The following SMS variants were observed in gnomAD, a reference collection of about 807,000 sequenced individuals.
SMS encodes the protein spermine synthase, also known as spermidine aminopropyltransferase.
A neutral mutation model predicts 33.0 loss-of-function variants in SMS; 3 were observed. The observed-to-expected ratio is 0.09, with a 90% CI of 0.04 to 0.23. The LOEUF (loss-of-function observed/expected upper bound fraction) is 0.23. Ranked by LOEUF, SMS falls within the 10% of genes least tolerant of loss-of-function variation. The pLI, the probability that SMS is intolerant of heterozygous loss-of-function variation, is 1.00. For synonymous variants in SMS, 103 were observed against 112.2 expected (o/e 0.92, Z 0.52); for missense variants, 117 against 288.6 (o/e 0.41, Z 4.31).
At chrX:21,958,135 T>A (rs1271591765) in intron 1 of SMS, among the ~76,000 whole-genome samples, 3 of 112,038 alleles carry the variant, frequency 2.7e-5, no homozygotes, top group Non-Finnish European at 5.6e-5. Context: ...TTTATTTATT[T>A]TTGTTTTTGT....
At chrX:21,956,325 C>T (rs958317754) in intron 1 of SMS, among the ~76,000 whole-genome samples, 2 of 112,180 alleles carry the variant, frequency 1.8e-5, no homozygotes, top group African/African-American at 6.5e-5. Context: ...GTTCTGTCAC[C>T]CAGGCAGGAG....
At chrX:21,984,505 TC>T (rs779073006) in intron 8 of SMS, 87 bp downstream of exon 8, 2 of 643,521 alleles carry the variant, frequency 3.1e-6, no homozygotes, top group African/African-American at 4.4e-5. Flanking sequence ...ATTGTGTAGT[TC>T]TCTCACGTTT....
At chrX:21,977,302 C>T in intron 5 of SMS, 66 bp downstream of exon 5, 1 of 956,787 alleles carries the variant, frequency 1.0e-6, no homozygotes, top group Non-Finnish European at 1.5e-6. Flanking sequence ...TGGTGTTTTC[C>T]TGACAATTAC....
intron 1 of SMS, among the ~76,000 whole-genome samples, chrX:21,966,585 C>G (rs1270458075): frequency 9.0e-6 from 1 of 111,123 alleles, no homozygotes; most frequent in Non-Finnish European, 1.9e-5. Context: ...ACCGACAAGC[C>G]AGCAGGTTGT....
chrX:21,974,901 G>C (rs1338269946), intron 4 of SMS, among the ~76,000 whole-genome samples: 1 of 100,847 alleles, frequency 9.9e-6, no homozygotes, highest in African/African-American at 3.7e-5. Context: ...AAGATCAGAG[G>C]TTAAATGTTA....
intron 1 of SMS, among the ~76,000 whole-genome samples, chrX:21,954,597 G>A (rs1379891429): frequency 2.7e-5 from 3 of 111,554 alleles, no homozygotes; most frequent in Non-Finnish European, 5.7e-5. Context: ...CACCTCCTAG[G>A]TGCTGAGTAA....
Position 21,943,050 on chromosome X carries a change from T to C in SMS, c.49+2177T>C, listed in dbSNP as rs1371892871. On this transcript the variant is annotated intron_variant, in intron 1 of 10. Transcript: ENST00000404933. ...AAAGTAGAGACAGGGTTTCACCACG[T>C]TGGCCAGGCTGGTCTCAAACTCCTG... is the stretch of plus-strand genomic sequence containing the variant. 5.4e-5 allele frequency among the ~76,000 whole-genome samples: 6 copies of C among 110,597 alleles called. No homozygotes were observed. In the East Asian group the frequency reaches 1.7e-3, roughly 31 times the overall value.
intron 9 of SMS, among the ~76,000 whole-genome samples, chrX:21,986,086 C>T (rs758581341): frequency 2.7e-4 from 30 of 110,058 alleles, no homozygotes; most frequent in African/African-American, 7.9e-4. Context: ...TGGTGGCTTA[C>T]GCCTGTAATC....
At chrX:21,994,251 T>C in intron 10 of SMS, 61 bp from the exon 11 acceptor site, 1 of 1,047,740 alleles carries the variant, frequency 9.5e-7, no homozygotes, top group Non-Finnish European at 1.3e-6. Context: ...AGCAAACGAA[T>C]TACAAGTGAT....
At chrX:21,963,372 C>G (rs1352109398) in intron 1 of SMS, among the ~76,000 whole-genome samples, 1 of 112,120 alleles carries the variant, frequency 8.9e-6, no homozygotes, top group Non-Finnish European at 1.9e-5. Flanking sequence ...CCCACAGGGA[C>G]CAGGCGGCCG....
At chrX:21,961,931 G>A (rs950613141) in intron 1 of SMS, among the ~76,000 whole-genome samples, 6 of 112,631 alleles carry the variant, frequency 5.3e-5, no homozygotes, top group Non-Finnish European at 3.7e-5. Context: ...CTCCTTCAAA[G>A]TAGTGTGATG....
chrX:21,972,834 A>C (rs1924267885), intron 4 of SMS, among the ~76,000 whole-genome samples: 2 of 104,347 alleles, frequency 1.9e-5, no homozygotes. Flanking sequence ...GCCTGAACCG[A>C]GGAGGCAGGA....
At position 21,959,658 on chromosome X, in the gene SMS, G is replaced by C. The variant is rs140943592; in HGVS notation, c.50-7538G>C. Among the ~76,000 whole-genome samples, 194 of 112,873 alleles carry C rather than the reference G, an allele frequency of 1.7e-3. 1 individual carries two copies. The highest frequency in any genetic ancestry group is 5.8e-3 in the African/African-American group (180 of 31,098). On this transcript the variant is annotated intron_variant, in intron 1 of 10. Coordinates refer to ENST00000404933, the MANE Select transcript of SMS (RefSeq NM_004595.5). ...GAACGTGGTTTTAAAGCAGCTACCT[G>C]ATTTCAAATTGGATTGGAATCCAGT...
chrX:21,946,098 G>C (rs1435880271), intron 1 of SMS, among the ~76,000 whole-genome samples: 1 of 112,462 alleles, frequency 8.9e-6, no homozygotes, highest in Non-Finnish European at 1.9e-5. Flanking sequence ...TGGCCTCCAA[G>C]CATAACTGAA....
At chrX:21,984,954 G>T (rs967447038) in intron 8 of SMS, among the ~76,000 whole-genome samples, 190 bp from the exon 9 acceptor site, 2 of 111,821 alleles carry the variant, frequency 1.8e-5, no homozygotes, top group Admixed American at 9.5e-5. Flanking sequence ...GCAGTGCTAG[G>T]TGGATGTGAT....
intron 4 of SMS, among the ~76,000 whole-genome samples, chrX:21,974,033 G>A (rs1007641897): frequency 8.9e-6 from 1 of 112,678 alleles, no homozygotes; most frequent in Non-Finnish European, 1.9e-5. Flanking sequence ...GGCATAGAAG[G>A]CCTGTCCCTT....
chrX:21,978,121 T>C lies in SMS; in HGVS notation c.660+7T>C. 8.3e-7 allele frequency: 1 copy of C among 1,204,911 alleles called. No homozygotes were observed. Among genetic ancestry groups the C allele is most frequent in the South Asian group, 1.8e-5 (1 of 56,862 alleles). ...GATGGTCACTATGGTAGAGATATCC[T>C]TTGTTGTATAAGAGAACAAGTTCAG... is the stretch of plus-strand genomic sequence containing the variant. On this transcript the variant is annotated splice_region_variant and intron_variant, in intron 6 of 10. Transcript: ENST00000404933.
intron 7 of SMS, among the ~76,000 whole-genome samples, chrX:21,983,199 C>A (rs1310085763): frequency 9.1e-6 from 1 of 109,553 alleles, no homozygotes; most frequent in Non-Finnish European, 1.9e-5. Flanking sequence ...ACCACTAGGC[C>A]CAGCTGATTT....
chrX:21,945,550 A>G (rs1010366963), intron 1 of SMS, among the ~76,000 whole-genome samples: 2 of 110,821 alleles, frequency 1.8e-5, no homozygotes, highest in African/African-American at 6.6e-5. Context: ...TCTCAGAGTA[A>G]GAATTTTAGA....
Sources: allele counts gnomAD v4.1 joint callset (sites outside exome capture counted in the v4.1 genomes callset), GRCh38; gene constraint gnomAD v4.1.1; transcripts MANE v1.5; gene names NCBI Gene and HGNC (gene_info 2026-07-23, HGNC 2026-07-21).